Variants in FMN2 observed in about 807,000 individuals in gnomAD.
FMN2 encodes formin-2.
FMN2 carries 51 observed loss-of-function variants against 142.3 expected under a neutral mutation model. The ratio of observed to expected loss-of-function variants is 0.36; its 90% CI spans 0.29 to 0.45. The LOEUF is 0.45. Ranked by LOEUF, FMN2 falls within the 20% of genes least tolerant of loss-of-function variation. The pLI, the probability that FMN2 is intolerant of heterozygous loss-of-function variation, is 1.00. For missense variants in FMN2, 1,936 were observed against 2,122.8 expected (o/e 0.91, Z 1.73); for synonymous variants, 882 against 869.8 (o/e 1.01, Z -0.25).
chr1:240,376,596 T>A (rs1673053491), intron 14 of FMN2, among the ~76,000 whole-genome samples: 2 of 152,140 alleles, frequency 1.3e-5, no homozygotes, highest in Non-Finnish European at 2.9e-5. Context: ...GCATAACAAC[T>A]GTTTACATAG....
At chr1:240,466,410 T>C (rs1028583305) in intron 16 of FMN2, among the ~76,000 whole-genome samples, 1 of 152,198 alleles carries the variant, frequency 6.6e-6, no homozygotes, top group Non-Finnish European at 1.5e-5. Context: ...ACAACTTTAT[T>C]TTTGGAAAAT....
At chr1:240,368,955 T>TTATA (rs10671772) in intron 14 of FMN2, among the ~76,000 whole-genome samples, 39,721 of 147,858 alleles carry the variant, frequency 0.27, 5,411 homozygotes, top group African/African-American at 0.33. Context: ...AACACAATGT[T>TTATA]TATATATATA....
At chr1:240,348,992 TGCAGACTTAACAA>T (rs1244347221) in intron 13 of FMN2, among the ~76,000 whole-genome samples, 1 of 152,208 alleles carries the variant, frequency 6.6e-6, no homozygotes, top group Non-Finnish European at 1.5e-5. Flanking sequence ...GATTTGATGG[TGCAGACTTAACAA>T]GTAAGGTTTG....
chr1:240,151,442 T>A (rs1401616401), intron 2 of FMN2, among the ~76,000 whole-genome samples: 1 of 152,050 alleles, frequency 6.6e-6, no homozygotes, highest in Admixed American at 6.6e-5. Context: ...GCAGCTTTCA[T>A]ATATGTGCTA....
In FMN2 at chr1:240,093,029, T is replaced by C; in HGVS notation, c.920T>C (p.Leu307Pro). ...CTCCCGGTCTCCGAGGCGCCCAGTC[T>C]CCCGGCAGCGCAACCCGCGGCCAAA... ...GGLPVSEAPS[L>P]PAAQPAAKDS... Residue 307 changes from leucine to proline, a missense_variant, in exon 1 of 18, where the codon CTC (leucine) becomes CCC (proline). Transcript: ENST00000319653. 1 of 1,393,950 alleles carries C rather than the reference T, an allele frequency of 7.2e-7. No homozygotes were observed. The highest frequency in any genetic ancestry group is 9.2e-7 in the Non-Finnish European group (1 of 1,082,424). The allele number at this position is 1,393,950 out of a possible 1,614,324, so 86.3% of individuals were successfully genotyped here. A position where few individuals can be genotyped will look rare whatever the true frequency, so the allele number is the denominator to read the frequency against.
intron 7 of FMN2, among the ~76,000 whole-genome samples, chr1:240,293,423 T>C (rs1383852877): frequency 1.3e-5 from 2 of 152,182 alleles, no homozygotes; most frequent in Admixed American, 6.5e-5. Context: ...CTGTAAGATA[T>C]TCTTGAAGAG....
chr1:240,256,054 T>G (rs1169106655), intron 6 of FMN2, among the ~76,000 whole-genome samples: 5 of 151,874 alleles, frequency 3.3e-5, no homozygotes, highest in Non-Finnish European at 5.9e-5. Flanking sequence ...TATAGGGAGG[T>G]CGAATGATAG....
At chr1:240,213,308 A>C (rs2103407009) in intron 6 of FMN2, among the ~76,000 whole-genome samples, 1 of 152,216 alleles carries the variant, frequency 6.6e-6, no homozygotes, top group Non-Finnish European at 1.5e-5. Flanking sequence ...GGTTTATGGG[A>C]CAGTCTCCAT....
chr1:240,380,014 G>A (rs1673172543), intron 14 of FMN2, among the ~76,000 whole-genome samples: 1 of 152,074 alleles, frequency 6.6e-6, no homozygotes, highest in Non-Finnish European at 1.5e-5. Flanking sequence ...TAAGACAAGA[G>A]ATAGACAGCA....
intron 16 of FMN2, among the ~76,000 whole-genome samples, chr1:240,462,207 A>G (rs1676471141): frequency 6.6e-6 from 1 of 152,180 alleles, no homozygotes; most frequent in Non-Finnish European, 1.5e-5. Flanking sequence ...GAATGAAAAT[A>G]TATTACATAT....
chr1:240,264,635 A>G (rs759417893), intron 7 of FMN2, among the ~76,000 whole-genome samples: 4 of 151,976 alleles, frequency 2.6e-5, no homozygotes, highest in Non-Finnish European at 5.9e-5. Flanking sequence ...TGTGGTGTTC[A>G]GTTGTCTGTT....
chr1:240,291,763 C>T (rs372350605), intron 7 of FMN2, among the ~76,000 whole-genome samples: 12 of 151,674 alleles, frequency 7.9e-5, no homozygotes, highest in African/African-American at 2.7e-4. Context: ...TTTGGATACA[C>T]GGGGAAGCTA....
chr1:240,337,304 T>G (rs1298858462), intron 13 of FMN2, among the ~76,000 whole-genome samples: 1 of 144,502 alleles, frequency 6.9e-6, no homozygotes, highest in Non-Finnish European at 1.5e-5. Flanking sequence ...TGCCTCCCCA[T>G]CTCCTGGGTT....
At chr1:240,194,220 G>T (rs996066265) in intron 4 of FMN2, among the ~76,000 whole-genome samples, 1 of 152,044 alleles carries the variant, frequency 6.6e-6, no homozygotes, top group South Asian at 2.1e-4. Flanking sequence ...TCAGTCTAGG[G>T]TGCATTTCAG....
intron 2 of FMN2, among the ~76,000 whole-genome samples, chr1:240,127,105 C>T (rs946468931): frequency 3.3e-5 from 5 of 150,272 alleles, no homozygotes; most frequent in African/African-American, 4.9e-5. Flanking sequence ...TCTGGAAAGC[C>T]GTGGAAGGAA....
chr1:240,466,626 T>C lies in FMN2; in HGVS notation c.5061-5746T>C, dbSNP rs529812647. On this transcript the variant is annotated intron_variant, in intron 16 of 17. Transcript: ENST00000319653. Reference sequence around the variant, plus strand: ...GCATCACAAACTCTGTCATTACCAATCAACAATTTCACACTTTTTTTACCT... The same window carrying C: ...GCATCACAAACTCTGTCATTACCAACCAACAATTTCACACTTTTTTTACCT... Among the ~76,000 whole-genome samples, 6 of 152,324 alleles carry C rather than the reference T, an allele frequency of 3.9e-5. No homozygotes were observed. In the South Asian group the frequency reaches 1.2e-3, roughly 32 times the overall value.
At chr1:240,165,716 G>A (rs1268363251) in intron 2 of FMN2, among the ~76,000 whole-genome samples, 1 of 151,650 alleles carries the variant, frequency 6.6e-6, no homozygotes, top group African/African-American at 2.4e-5. Flanking sequence ...TTTTGCCGGG[G>A]ACCTGGGGCA....
chr1:240,328,219 C>T (rs1473717081), intron 8 of FMN2, among the ~76,000 whole-genome samples: 1 of 145,456 alleles, frequency 6.9e-6, no homozygotes, highest in African/African-American at 2.5e-5. Flanking sequence ...ATTTTTGTTC[C>T]ATGACTTAAA....
Position 240,243,137 on chromosome 1 carries a change from A to G in FMN2, c.4066-14808A>G, listed in dbSNP as rs535066568. Among the ~76,000 whole-genome samples the G allele has an allele frequency of 7.2e-5, 11 of 152,280 alleles. No homozygotes were observed. The South Asian group carries it at 2.1e-3, about 29-fold the overall frequency. On this transcript the variant is annotated intron_variant, in intron 6 of 17. Transcript: ENST00000319653. ...TGGTTGCGGGAGTAGACCGAAAAAA[A>G]AAACCAAAAAACAAAAAACCCTGAT...
Sources: gnomAD v4.1 joint callset for allele counts (sites outside exome capture counted in the v4.1 genomes callset) on GRCh38, gnomAD v4.1.1 for gene constraint, MANE v1.5 for transcripts, NCBI Gene and HGNC (gene_info 2026-07-23, HGNC 2026-07-21) for gene names.